Variants in EXOC4 observed in about 807,000 individuals in gnomAD.
EXOC4 encodes the protein exocyst complex component 4, also known as SEC8-like 1.
EXOC4 carries 71 observed loss-of-function variants against 107.2 expected under a neutral mutation model. That is an observed-to-expected ratio of 0.66 (90% CI 0.55 to 0.81). The LOEUF is 0.81. Among genes scored for constraint, EXOC4 ranks in the 30% least tolerant of loss-of-function variants. The pLI, the probability that EXOC4 is intolerant of heterozygous loss-of-function variation, is 0.00. For synonymous variants in EXOC4, 456 were observed against 441.2 expected, an observed-to-expected ratio of 1.03 and a Z score of -0.42; for missense variants, 1,108 against 1,189.6, an observed-to-expected ratio of 0.93 and a Z score of 1.01.
intron 14 of EXOC4, among the ~76,000 whole-genome samples, chr7:133,942,475 CAG>C (rs1281122031): frequency 2.6e-5 from 4 of 152,010 alleles, no homozygotes; most frequent in African/African-American, 9.7e-5. Flanking sequence ...TTGTGAATTG[CAG>C]TATTAGTTAT....
At chr7:133,526,506 C>T (rs1800081444) in intron 9 of EXOC4, among the ~76,000 whole-genome samples, 2 of 152,190 alleles carry the variant, frequency 1.3e-5, no homozygotes, top group South Asian at 4.1e-4. Context: ...ATCCTACATT[C>T]TGTTGCTCAA....
chr7:133,574,186 A>T (rs565981502), intron 9 of EXOC4, among the ~76,000 whole-genome samples: 27 of 152,182 alleles, frequency 1.8e-4, no homozygotes, highest in Middle Eastern at 6.8e-3. Context: ...TTGAAAAGAG[A>T]GTGTGTGTGT....
chr7:133,651,994 A>G (rs1246124144), intron 10 of EXOC4, among the ~76,000 whole-genome samples: 1 of 152,178 alleles, frequency 6.6e-6, no homozygotes, highest in East Asian at 1.9e-4. Flanking sequence ...CTCAAACTCT[A>G]GAAGGCAGGT....
intron 11 of EXOC4, among the ~76,000 whole-genome samples, chr7:133,883,832 A>G (rs1799019967): frequency 6.6e-6 from 1 of 152,220 alleles, no homozygotes; most frequent in Admixed American, 6.5e-5. Flanking sequence ...TTGGATGTAT[A>G]GCCTTTTGCA....
Position 133,520,427 on chromosome 7 carries a change from A to G in EXOC4, c.1417+40289A>G, listed in dbSNP as rs147244502. Among the ~76,000 whole-genome samples the G allele has an allele frequency of 1.0e-3, 156 of 152,256 alleles. 1 individual carries two copies. Among genetic ancestry groups the G allele is most frequent in the East Asian group, 1.5e-3 (8 of 5,188 alleles). On this transcript the variant is annotated intron_variant, in intron 9 of 17. Transcript: ENST00000253861. ...TATGAACAAATTGGATTCTGGGGCT[A>G]TTATTTTACTGAGGTCTGAAATGCT...
chr7:133,533,494 T>C (rs971247701), intron 9 of EXOC4, among the ~76,000 whole-genome samples: 4 of 152,168 alleles, frequency 2.6e-5, no homozygotes, highest in Non-Finnish European at 4.4e-5. Context: ...AATGAGAATC[T>C]GGCTAGTTTA....
chr7:134,028,891 T>G (rs1159060512), intron 17 of EXOC4, among the ~76,000 whole-genome samples: 5 of 152,220 alleles, frequency 3.3e-5, no homozygotes, highest in Non-Finnish European at 7.3e-5. Flanking sequence ...TGGTCTAATC[T>G]AGACACCTAC....
At chr7:133,863,555 A>C (rs1798577160) in intron 11 of EXOC4, among the ~76,000 whole-genome samples, 2 of 152,206 alleles carry the variant, frequency 1.3e-5, no homozygotes, top group South Asian at 4.1e-4. Flanking sequence ...AGTGACTGGC[A>C]GAGTCCAGCA....
In EXOC4 at chr7:133,289,052, A is replaced by G. The variant is rs142569886; in HGVS notation, c.407A>G (p.Gln136Arg). The part of the protein sequence containing the change: ...NLLDEIENIK[Q>R]VPQKLEQCMA... ...TTGGATGAAATTGAGAATATCAAGC[A>G]AGTGCCTCAAAAGCTGGAACAGTGC... The change falls in exon 3 of 18, where the codon CAA (glutamine) becomes CGA (arginine). Residue 136 changes from glutamine to arginine, a missense_variant. By Grantham distance (43) the Gln-to-Arg change is conservative. Transcript: ENST00000253861. The G allele has an allele frequency of 6.2e-7, 1 of 1,614,218 alleles. No homozygotes were observed. The highest frequency in any genetic ancestry group is 8.5e-7 in the Non-Finnish European group (1 of 1,180,010).
chr7:133,855,271 A>AGAGAGT, intron 11 of EXOC4, among the ~76,000 whole-genome samples: 1 of 150,494 alleles, frequency 6.6e-6, no homozygotes, highest in Admixed American at 6.7e-5. Flanking sequence ...AGTCCTCCTG[A>AGAGAGT]ACCAACCTTC....
At chr7:133,276,073 ATTTTTCTCTC>A (rs1793983362) in intron 2 of EXOC4, among the ~76,000 whole-genome samples, 2 of 151,748 alleles carry the variant, frequency 1.3e-5, no homozygotes, top group East Asian at 1.9e-4. Context: ...TTTATTTGTT[ATTTTTCTCTC>A]TTTTTCTCTT....
chr7:133,902,978 C>A (rs1050258147), intron 12 of EXOC4, among the ~76,000 whole-genome samples: 1 of 152,060 alleles, frequency 6.6e-6, no homozygotes, highest in Non-Finnish European at 1.5e-5. Context: ...AATAGGATGC[C>A]CCAGGGAGGC....
chr7:133,653,974 C>A (rs949379533), intron 10 of EXOC4, among the ~76,000 whole-genome samples: 1 of 152,078 alleles, frequency 6.6e-6, no homozygotes, highest in Non-Finnish European at 1.5e-5. Context: ...GAAACCTAGT[C>A]GGGAAAGGTA....
intron 12 of EXOC4, among the ~76,000 whole-genome samples, chr7:133,909,919 ATTTTTTTT>A (rs764890539): frequency 2.6e-5 from 2 of 75,476 alleles, no homozygotes; most frequent in Non-Finnish European, 4.8e-5. Context: ...GTTGAGACAG[ATTTTTTTT>A]TTTTTTTTTT....
At chr7:134,042,848 C>CA (rs1428133888) in intron 17 of EXOC4, among the ~76,000 whole-genome samples, 2 of 152,184 alleles carry the variant, frequency 1.3e-5, no homozygotes, top group Non-Finnish European at 2.9e-5. Context: ...ACCAGCCTGG[C>CA]CAACATGGCA....
chr7:133,315,785 C>T (rs908684425), intron 4 of EXOC4, among the ~76,000 whole-genome samples: 3 of 152,130 alleles, frequency 2.0e-5, no homozygotes, highest in South Asian at 2.1e-4. Flanking sequence ...ATCTTATACT[C>T]CACTTTTCAC....
intron 9 of EXOC4, among the ~76,000 whole-genome samples, chr7:133,498,633 C>T (rs140475052): frequency 2.0e-5 from 3 of 152,218 alleles, no homozygotes; most frequent in African/African-American, 7.2e-5. Context: ...TTGCTTCTAC[C>T]CAGGTTCTAA....
At chr7:133,311,442 G>A (rs1584800019) in intron 4 of EXOC4, among the ~76,000 whole-genome samples, 1 of 152,076 alleles carries the variant, frequency 6.6e-6, no homozygotes, top group African/African-American at 2.4e-5. Context: ...TTCAGCTGGG[G>A]GGTAATGAAG....
At chr7:133,274,880 A>G (rs1793951925) in intron 1 of EXOC4, 102 bp from the exon 2 acceptor site, 3 of 874,646 alleles carry the variant, frequency 3.4e-6, no homozygotes, top group Non-Finnish European at 5.0e-6. Flanking sequence ...AATAAGATGA[A>G]TGTGCTTCAC....
Sources: allele counts gnomAD v4.1 joint callset (sites outside exome capture counted in the v4.1 genomes callset), GRCh38; gene constraint gnomAD v4.1.1; transcripts MANE v1.5; gene names NCBI Gene and HGNC (gene_info 2026-07-23, HGNC 2026-07-21).